SLC12A3: variants seen among roughly 807,000 people sequenced by gnomAD.
SLC12A3 encodes Na-Cl cotransporter.
SLC12A3 carries 104 observed loss-of-function variants against 121.0 expected under a neutral mutation model. The ratio of observed to expected loss-of-function variants is 0.86; its 90% CI spans 0.73 to 1.01. The LOEUF (loss-of-function observed/expected upper bound fraction) is 1.01. SLC12A3 is among the 50% of genes least tolerant of loss of function. SLC12A3 has a pLI of 0.00. For missense variants in SLC12A3, 1,328 were observed against 1,356.3 expected, an observed-to-expected ratio of 0.98 and a Z score of 0.33; for synonymous variants, 536 against 533.4, an observed-to-expected ratio of 1.00 and a Z score of -0.07.
intron 8 of SLC12A3, among the ~76,000 whole-genome samples, chr16:56,874,914 G>T (rs2055146996): frequency 6.6e-6 from 1 of 152,192 alleles, no homozygotes; most frequent in Admixed American, 6.5e-5. Context: ...CTGGAAATTG[G>T]AGAACAGCCG....
chr16:56,893,935 A>G (rs12448541), intron 21 of SLC12A3, among the ~76,000 whole-genome samples: 33,046 of 148,218 alleles, frequency 0.22, 3,914 homozygotes, highest in African/African-American at 0.31. Context: ...CTGCCACCAC[A>G]CCCAGCTAAT....
At chr16:56,885,995 C>T (rs1213801053) in intron 15 of SLC12A3, among the ~76,000 whole-genome samples, 1 of 152,204 alleles carries the variant, frequency 6.6e-6, no homozygotes, top group South Asian at 2.1e-4. Flanking sequence ...CCCTCTGCTA[C>T]CTCTCGACGC....
intron 25 of SLC12A3, among the ~76,000 whole-genome samples, chr16:56,912,032 G>A (rs557895049): frequency 2.0e-5 from 3 of 152,376 alleles, no homozygotes; most frequent in East Asian, 3.9e-4. Context: ...CGACTCGGAC[G>A]CCAGAGACTG....
chr16:56,909,218 G>A (rs1002448851), intron 25 of SLC12A3, among the ~76,000 whole-genome samples: 1 of 151,828 alleles, frequency 6.6e-6, no homozygotes, highest in African/African-American at 2.4e-5. Context: ...CAGCACTTTG[G>A]GAGGCTGAGG....
At chr16:56,911,576 C>T (rs1201588436) in intron 25 of SLC12A3, among the ~76,000 whole-genome samples, 2 of 152,166 alleles carry the variant, frequency 1.3e-5, no homozygotes, top group Admixed American at 6.5e-5. Context: ...CTGCCCACCT[C>T]GGCCTCCCAA....
At position 56,890,332 on chromosome 16, in the gene SLC12A3, G is replaced by C. The variant is rs748388143; in HGVS notation, c.2344G>C (p.Val782Leu). The C allele has an allele frequency of 1.2e-6, 2 of 1,614,108 alleles. No homozygotes were observed. The highest frequency in any genetic ancestry group is 2.2e-5 in the South Asian group (2 of 91,088). The stretch of plus-strand genomic sequence containing the variant: ...CATGAGGATGCGGGAGGGACTCAAC[G>C]TGTCCAAGATGATGCAGGCGCACAG... ...CVMRMREGLNVSKMMQAHINP... is the reference protein window; with the variant it reads ...CVMRMREGLNLSKMMQAHINP... Residue 782 changes from valine to leucine, a missense_variant, in exon 19 of 26, where the codon GTG becomes CTG. Val to Leu is a conservative substitution (Grantham distance 32, BLOSUM62 1). Coordinates refer to ENST00000563236, the MANE Select transcript of SLC12A3 (RefSeq NM_001126108.2).
intron 21 of SLC12A3, among the ~76,000 whole-genome samples, chr16:56,893,526 C>T (rs1037244240): frequency 6.6e-5 from 10 of 152,222 alleles, no homozygotes; most frequent in African/African-American, 2.4e-4. Flanking sequence ...CACTTACTAC[C>T]TGGCTGACAG....
At chr16:56,888,652 G>A (rs540512563) in intron 18 of SLC12A3, among the ~76,000 whole-genome samples, 70 of 129,778 alleles carry the variant, frequency 5.4e-4, no homozygotes, top group Admixed American at 2.2e-3. Flanking sequence ...TCCGCCTCCC[G>A]GGTTCACGCC....
intron 20 of SLC12A3, 85 bp downstream of exon 20, chr16:56,892,218 G>T: frequency 7.8e-7 from 1 of 1,275,630 alleles, no homozygotes; most frequent in East Asian, 2.3e-5. Context: ...GCTAGGGGTG[G>T]GCCACTTGGG....
At chr16:56,889,388 C>T (rs2055359949) in intron 18 of SLC12A3, among the ~76,000 whole-genome samples, 1 of 152,232 alleles carries the variant, frequency 6.6e-6, no homozygotes, top group African/African-American at 2.4e-5. Context: ...TTGGCCCAAA[C>T]CCCAGTGGTG....
chr16:56,898,248 G>C (rs1387241006), intron 22 of SLC12A3, among the ~76,000 whole-genome samples: 1 of 144,616 alleles, frequency 6.9e-6, no homozygotes, highest in Non-Finnish European at 1.5e-5. Flanking sequence ...TTGTTAGTTT[G>C]ATTTGGTTTT....
intron 3 of SLC12A3, among the ~76,000 whole-genome samples, chr16:56,868,701 G>A (rs1014371001): frequency 2.6e-5 from 4 of 152,196 alleles, no homozygotes; most frequent in African/African-American, 7.2e-5. Context: ...GGTGGCTCAC[G>A]CTTTGGGAGG....
chr16:56,894,475 T>C (rs941876802), intron 21 of SLC12A3, 56 bp from the exon 22 acceptor site: 4 of 1,275,100 alleles, frequency 3.1e-6, no homozygotes, highest in Non-Finnish European at 3.4e-6. Context: ...GGAACTCACA[T>C]AGTGCTCTGT....
At chr16:56,879,293 C>T in intron 10 of SLC12A3, 66 bp downstream of exon 10, 1 of 1,597,704 alleles carries the variant, frequency 6.3e-7, no homozygotes. Context: ...GGGCCCCTTG[C>T]AGGCCTGGAA....
chr16:56,885,674 AC>A (rs1324093283), intron 15 of SLC12A3, among the ~76,000 whole-genome samples: 2 of 151,706 alleles, frequency 1.3e-5, no homozygotes, highest in East Asian at 3.9e-4. Context: ...ATGGTGACGA[AC>A]CTCCCCTGGG....
At chr16:56,879,428 C>T in intron 10 of SLC12A3, 114 bp from the exon 11 acceptor site, 1 of 1,087,376 alleles carries the variant, frequency 9.2e-7, no homozygotes, top group Non-Finnish European at 1.4e-6. Context: ...GGGTTGTGGA[C>T]TCAGGTGGAG....
chr16:56,882,225 G>A (rs942816169), intron 12 of SLC12A3, among the ~76,000 whole-genome samples, 171 bp from the exon 13 acceptor site: 1 of 152,116 alleles, frequency 6.6e-6, no homozygotes, highest in Admixed American at 6.5e-5. Context: ...CTTCACAAAA[G>A]GATGGACCCA....
At chr16:56,883,966 A>G in intron 13 of SLC12A3, 83 bp from the exon 14 acceptor site, 1 of 1,488,156 alleles carries the variant, frequency 6.7e-7, no homozygotes, top group South Asian at 1.1e-5. Context: ...TGCTGGCATT[A>G]CTGCCAGGCC....
At chr16:56,900,492 A>T (rs1318732894) in intron 23 of SLC12A3, among the ~76,000 whole-genome samples, 1 of 149,564 alleles carries the variant, frequency 6.7e-6, no homozygotes, top group African/African-American at 2.5e-5. Context: ...AGCAGGAGCA[A>T]CATACAGACC....
Sources: allele counts gnomAD v4.1 joint callset (sites outside exome capture counted in the v4.1 genomes callset), GRCh38; gene constraint gnomAD v4.1.1; transcripts MANE v1.5; gene names NCBI Gene and HGNC (gene_info 2026-07-23, HGNC 2026-07-21).